SYNPR: variants seen among roughly 807,000 people sequenced by gnomAD.
SYNPR encodes the protein synaptoporin.
A neutral mutation model predicts 32.9 loss-of-function variants in SYNPR; 23 were observed. The observed-to-expected ratio is 0.70, with a 90% CI of 0.50 to 0.99. The LOEUF (loss-of-function observed/expected upper bound fraction) is 0.99, where lower values mean the gene tolerates loss of function less well. SYNPR is among the 50% of genes least tolerant of loss of function. The pLI is 0.00. For missense variants in SYNPR, 318 were observed against 349.3 expected (o/e 0.91, Z 0.71); for synonymous variants, 146 against 135.9 (o/e 1.07, Z -0.52).
chr3:63,369,372 G>C (rs1275766042), intron 2 of SYNPR, among the ~76,000 whole-genome samples: 1 of 152,204 alleles, frequency 6.6e-6, no homozygotes, highest in African/African-American at 2.4e-5. Context: ...GCAAAATGGA[G>C]GAGGGGGTTA....
rs1469687925 is a variant in SYNPR, at chr3:63,474,914, T to A, written c.85-5918T>A. ...CTACAAGTGCCATTAATCAGCCTGA[T>A]TTTCTGTCCTCCTCCAACCTATTGC... On this transcript the variant is annotated intron_variant, in intron 2 of 5. Coordinates refer to ENST00000478300, the MANE Select transcript of SYNPR (RefSeq NM_001130003.2). Among the ~76,000 whole-genome samples the A allele has an allele frequency of 2.0e-5, 3 of 152,278 alleles. No homozygotes were observed. The South Asian group carries it at 6.2e-4, about 32-fold the overall frequency.
rs181752763 is a variant in SYNPR at position 63,246,852 on chromosome 3, T to A, written n.67-5647T>A. Among the ~76,000 whole-genome samples the A allele has an allele frequency of 3.9e-3, 585 of 151,306 alleles. 1 individual carries two copies. The highest frequency in any genetic ancestry group is 5.7e-3 in the Non-Finnish European group (386 of 67,538). ...TTACCAATTTACAAATGATTTGTAATCTCTGAGCCTTTATTTTATCACCTA... is the reference window on the plus strand; with the variant it reads ...TTACCAATTTACAAATGATTTGTAAACTCTGAGCCTTTATTTTATCACCTA... On this transcript the variant is annotated intron_variant and non_coding_transcript_variant, in intron 1 of 4. Coordinates refer to the SYNPR transcript ENST00000478456.
intron 3 of SYNPR, among the ~76,000 whole-genome samples, chr3:63,498,973 A>AT (rs1701427368): frequency 1.3e-5 from 2 of 150,502 alleles, no homozygotes; most frequent in Admixed American, 1.3e-4. Context: ...AGAATAAAAA[A>AT]TTAAAAAAAA....
intron 2 of SYNPR, among the ~76,000 whole-genome samples, chr3:63,441,586 T>A (rs562415879): frequency 4.5e-4 from 68 of 152,346 alleles, no homozygotes; most frequent in African/African-American, 1.5e-3. Context: ...TAAGGCTTTT[T>A]TTCCCTGCTT....
intron 2 of SYNPR, among the ~76,000 whole-genome samples, chr3:63,394,533 G>A (rs2088187521): frequency 6.6e-6 from 1 of 152,046 alleles, no homozygotes; most frequent in South Asian, 2.1e-4. Context: ...AATTGCATCT[G>A]TATTTTTTTT....
chr3:63,517,986 G>A (rs1701832247), intron 3 of SYNPR, among the ~76,000 whole-genome samples: 1 of 152,146 alleles, frequency 6.6e-6, no homozygotes, highest in African/African-American at 2.4e-5. Flanking sequence ...ATGCAGGTTG[G>A]CAAGAAGGCA....
chr3:63,477,483 A>G (rs180966371), intron 2 of SYNPR, among the ~76,000 whole-genome samples: 10 of 152,282 alleles, frequency 6.6e-5, no homozygotes, highest in Admixed American at 6.5e-4. Context: ...GAGTGGGTGG[A>G]TGTGAGGCAG....
upstream of SYNPR, among the ~76,000 whole-genome samples, chr3:63,273,456 T>C (rs1575582542): frequency 6.6e-6 from 1 of 152,188 alleles, no homozygotes; most frequent in South Asian, 2.1e-4. Context: ...CAGCATCTAC[T>C]TAATATTAAT....
chr3:63,463,300 G>C (rs1700620367), intron 2 of SYNPR, among the ~76,000 whole-genome samples: 1 of 152,122 alleles, frequency 6.6e-6, no homozygotes, highest in Non-Finnish European at 1.5e-5. Flanking sequence ...TTTCTTAATA[G>C]ATACAGTTTT....
intron 2 of SYNPR, among the ~76,000 whole-genome samples, chr3:63,290,772 T>C (rs1474607022): frequency 6.6e-6 from 1 of 152,080 alleles, no homozygotes; most frequent in Non-Finnish European, 1.5e-5. Context: ...CTTTGTCCAT[T>C]GTGTGTGTGT....
intron 2 of SYNPR, among the ~76,000 whole-genome samples, chr3:63,400,144 C>T (rs1483329100): frequency 1.3e-5 from 2 of 152,162 alleles, no homozygotes; most frequent in Non-Finnish European, 2.9e-5. Flanking sequence ...TAAGATTTTG[C>T]GACTCTTACA....
intron 2 of SYNPR, among the ~76,000 whole-genome samples, chr3:63,284,595 A>G (rs73845886): frequency 5.3e-5 from 8 of 152,330 alleles, no homozygotes; most frequent in African/African-American, 1.9e-4. Flanking sequence ...TGTGAGGTAT[A>G]GGTCTACTTG....
chr3:63,290,471 C>T (rs974560363), intron 2 of SYNPR, among the ~76,000 whole-genome samples: 3 of 152,140 alleles, frequency 2.0e-5, no homozygotes, highest in African/African-American at 7.2e-5. Flanking sequence ...CTTAAATGCC[C>T]TCATGACTAA....
chr3:63,559,963 G>T (rs556432535), intron 4 of SYNPR, among the ~76,000 whole-genome samples: 1 of 152,142 alleles, frequency 6.6e-6, no homozygotes, highest in East Asian at 1.9e-4. Flanking sequence ...CACACATAAA[G>T]TGGGAAAAAA....
intron 1 of SYNPR, among the ~76,000 whole-genome samples, chr3:63,238,856 C>T (rs1376729170): frequency 2.0e-5 from 3 of 151,966 alleles, no homozygotes; most frequent in Non-Finnish European, 4.4e-5. Context: ...TAGGGTAATT[C>T]GGTATAACTG....
chr3:63,316,639 A>G (rs1177318562), intron 2 of SYNPR, among the ~76,000 whole-genome samples: 2 of 151,656 alleles, frequency 1.3e-5, no homozygotes, highest in Admixed American at 6.6e-5. Context: ...TTCCTGGTTA[A>G]TTTTGCTAAT....
At chr3:63,556,993 T>G in intron 4 of SYNPR, among the ~76,000 whole-genome samples, 1 of 152,148 alleles carries the variant, frequency 6.6e-6, no homozygotes, top group South Asian at 2.1e-4. Context: ...TCTCATGAGA[T>G]CAAGGAAAGA....
chr3:63,588,469 T>C (rs1403228877), intron 4 of SYNPR, among the ~76,000 whole-genome samples: 11 of 152,070 alleles, frequency 7.2e-5, no homozygotes, highest in Admixed American at 7.2e-4. Context: ...TAGTTGTTAA[T>C]TAACTAAATC....
intron 3 of SYNPR, among the ~76,000 whole-genome samples, chr3:63,522,788 G>T (rs538302288): frequency 6.6e-6 from 1 of 152,264 alleles, no homozygotes; most frequent in East Asian, 1.9e-4. Flanking sequence ...AACATGGAAA[G>T]GGAGGCAAGG....
Sources: allele counts gnomAD v4.1 joint callset (sites outside exome capture counted in the v4.1 genomes callset), GRCh38; gene constraint gnomAD v4.1.1; transcripts MANE v1.5; gene names NCBI Gene and HGNC (gene_info 2026-07-23, HGNC 2026-07-21).